RAD51AP1: variants seen among roughly 807,000 people sequenced by gnomAD.
The protein encoded by RAD51AP1 is RAD51-associated protein 1.
RAD51AP1 carries 14 observed loss-of-function variants against 34.3 expected under a neutral mutation model. The observed-to-expected ratio is 0.41, with a 90% CI of 0.27 to 0.64. The LOEUF is 0.64. Ranked by LOEUF, RAD51AP1 falls within the 30% of genes least tolerant of loss-of-function variation. The pLI is 0.33. For missense variants in RAD51AP1, 348 were observed against 386.9 expected (o/e 0.90, Z 0.84); for synonymous variants, 114 against 129.8 (o/e 0.88, Z 0.83).
intron 4 of RAD51AP1, 43 bp downstream of exon 4, chr12:4,546,461 T>G: frequency 1.4e-6 from 2 of 1,393,468 alleles, no homozygotes; most frequent in East Asian, 4.6e-5. Context: ...ACCTTCTTAA[T>G]GCTTTTGTGA....
intron 6 of RAD51AP1, among the ~76,000 whole-genome samples, chr12:4,549,916 C>A (rs1344717276): frequency 6.6e-6 from 1 of 152,172 alleles, no homozygotes; most frequent in Non-Finnish European, 1.5e-5. Context: ...TACCCGTGTT[C>A]ATAGCAGCAT....
chr12:4,545,738 T>C (rs1364066782), intron 3 of RAD51AP1: 1 of 1,605,104 alleles, frequency 6.2e-7, no homozygotes, highest in Non-Finnish European at 8.5e-7. Context: ...TATAGGATAA[T>C]TATTAGCATG....
chr12:4,557,590 A>G (rs976745955), intron 8 of RAD51AP1, among the ~76,000 whole-genome samples: 1 of 152,218 alleles, frequency 6.6e-6, no homozygotes, highest in Non-Finnish European at 1.5e-5. Context: ...AAAATAATTA[A>G]TGCTTCCCCA....
chr12:4,555,353 T>C (rs1944574674), intron 7 of RAD51AP1, among the ~76,000 whole-genome samples: 1 of 152,196 alleles, frequency 6.6e-6, no homozygotes, highest in Admixed American at 6.5e-5. Context: ...TCTAATGTGC[T>C]GTTTTCCTTC....
At chr12:4,545,160 C>CT (rs2137253053) in intron 3 of RAD51AP1, 5 of 435,440 alleles carry the variant, frequency 1.1e-5, no homozygotes, top group South Asian at 6.6e-5. Flanking sequence ...ATCTAAATGT[C>CT]TATCTGCTAA....
At chr12:4,545,960 G>C (rs1055040961) in intron 3 of RAD51AP1, 22 of 1,117,658 alleles carry the variant, frequency 2.0e-5, no homozygotes, top group African/African-American at 1.6e-5. Flanking sequence ...GGTCAAGGAA[G>C]AGTTTTAAGT....
intron 7 of RAD51AP1, 38 bp from the exon 8 acceptor site, chr12:4,556,315 T>G: frequency 1.3e-6 from 2 of 1,503,114 alleles, no homozygotes; most frequent in Non-Finnish European, 1.8e-6. Context: ...TTTTTCTTCC[T>G]GCATGACAAA....
At position 4,556,394 on chromosome 12, in the gene RAD51AP1, T is replaced by C. The variant is rs563841490; in HGVS notation, c.763T>C (p.Ser255Pro). 1.2e-6 allele frequency: 2 copies of C among 1,613,830 alleles called. No individual in the cohort carries two copies. Among genetic ancestry groups the C allele is most frequent in the Admixed American group, 3.3e-5 (2 of 60,014 alleles). The change falls in exon 8 of 9, where the codon TCT becomes CCT. Residue 255 changes from serine (S) to proline (P), a missense_variant. Coordinates refer to ENST00000352618, the MANE Select transcript of RAD51AP1 (RefSeq NM_006479.5). ...TGCTCCAGCTGCCGTCAAATCAGAA[T>C]CTCAGTCCTTGCCAAAAAAGGTTTC... ...DSAPAAVKSE[S>P]QSLPKKVSLS...
In RAD51AP1 at chr12:4,556,518, C is replaced by A; in HGVS notation, c.871+16C>A. The A allele has an allele frequency of 6.2e-7, 1 of 1,608,940 alleles. No homozygotes were observed. Among genetic ancestry groups the A allele is most frequent in the South Asian group, 1.1e-5 (1 of 90,614 alleles). ...GTCCCACCAGGTATGGCATATTTAT[C>A]ATCAAGGACAGGAGCTTGGAAAATT... On this transcript the variant is annotated intron_variant, in intron 8 of 8. Transcript: ENST00000352618.
rs769425735 is a variant in RAD51AP1 at position 4,556,474 on chromosome 12, A to C, written c.843A>C (p.Glu281Asp). 3 of 1,613,798 alleles carry C rather than the reference A, an allele frequency of 1.9e-6. No homozygotes were observed. The highest frequency in any genetic ancestry group is 1.7e-6 in the Non-Finnish European group (2 of 1,179,710). ...TAGAAATACGCAGTCCTTCAGCTGAAAGCAAGAAACCTAAATGGGTCCCAC... is the reference window on the plus strand; with the variant it reads ...TAGAAATACGCAGTCCTTCAGCTGACAGCAAGAAACCTAAATGGGTCCCAC... ...KPLEIRSPSA[E>D]SKKPKWVPPA... Residue 281 changes from glutamate (E) to aspartate (D), a missense_variant, in exon 8 of 9, where the codon GAA becomes GAC. Glu to Asp is a conservative substitution (Grantham distance 45). Transcript: ENST00000352618.
intron 7 of RAD51AP1, 190 bp downstream of exon 7, chr12:4,553,337 T>C: frequency 2.4e-6 from 1 of 420,518 alleles, no homozygotes; most frequent in Non-Finnish European, 4.3e-6. Flanking sequence ...CTACGTATGC[T>C]AGCACTTACT....
intron 3 of RAD51AP1, chr12:4,545,224 G>T (rs891779056): frequency 4.4e-6 from 2 of 454,228 alleles, no homozygotes; most frequent in Non-Finnish European, 8.9e-6. Context: ...TTCAGCCATA[G>T]AAAGAAATGA....
chr12:4,541,304 ACTCAT>A (rs1022714154), intron 1 of RAD51AP1, among the ~76,000 whole-genome samples: 2 of 152,200 alleles, frequency 1.3e-5, no homozygotes, highest in African/African-American at 4.8e-5. Flanking sequence ...GATAAGGGAT[ACTCAT>A]CTCAGGTGGT....
chr12:4,554,380 T>G (rs560321012), intron 7 of RAD51AP1, among the ~76,000 whole-genome samples: 1 of 152,340 alleles, frequency 6.6e-6, no homozygotes, highest in South Asian at 2.1e-4. Context: ...CATCTAAGAT[T>G]CTTAATTACA....
intron 2 of RAD51AP1, among the ~76,000 whole-genome samples, chr12:4,542,136 G>A (rs1196413881): frequency 2.6e-5 from 4 of 152,112 alleles, no homozygotes; most frequent in Admixed American, 1.3e-4. Flanking sequence ...AAATGAACAG[G>A]CCAGGTGAAA....
At chr12:4,557,053 G>A (rs1485989247) in intron 8 of RAD51AP1, among the ~76,000 whole-genome samples, 2 of 152,134 alleles carry the variant, frequency 1.3e-5, no homozygotes, top group East Asian at 3.8e-4. Flanking sequence ...CACCCTTCTT[G>A]ACATTACTAA....
intron 3 of RAD51AP1, chr12:4,545,740 A>G (rs1403980714): frequency 6.2e-7 from 1 of 1,605,334 alleles, no homozygotes; most frequent in South Asian, 1.1e-5. Flanking sequence ...TAGGATAATT[A>G]TTAGCATGTC....
At chr12:4,557,347 AC>A (rs908577510) in intron 8 of RAD51AP1, among the ~76,000 whole-genome samples, 15 of 152,084 alleles carry the variant, frequency 9.9e-5, no homozygotes, top group Admixed American at 3.3e-4. Context: ...TCCCCTGCTG[AC>A]TACTATTCAT....
rs775234616 is a variant in RAD51AP1 at position 4,545,401 on chromosome 12, G to T, written c.210-908G>T. The T allele has an allele frequency of 4.8e-4, 153 of 318,038 alleles. 1 individual carries two copies. The highest frequency in any genetic ancestry group is 2.2e-3 in the Middle Eastern group (2 of 894). 19.7% of individuals were successfully genotyped at this position (318,038 alleles called of 1,614,324 possible). ...AAGCAGATTAATGGTTGCTAGGAGGGGAGAGGGGTAAACAGGAAGTGAATG... is the reference window on the plus strand; with the variant it reads ...AAGCAGATTAATGGTTGCTAGGAGGTGAGAGGGGTAAACAGGAAGTGAATG... On this transcript the variant is annotated intron_variant, in intron 3 of 8. Transcript: ENST00000352618.
Sources: allele counts gnomAD v4.1 joint callset (sites outside exome capture counted in the v4.1 genomes callset), GRCh38; gene constraint gnomAD v4.1.1; transcripts MANE v1.5; gene names NCBI Gene and HGNC (gene_info 2026-07-23, HGNC 2026-07-21).